The following TBCD variants were observed in gnomAD, a reference collection of about 807,000 sequenced individuals.
TBCD encodes tubulin folding cofactor D, also known as tubulin-specific chaperone D.
Under a neutral mutation model 169.3 loss-of-function variants are expected in TBCD, and 105 were observed. The ratio of observed to expected loss-of-function variants is 0.62; its 90% CI spans 0.53 to 0.73. TBCD has a LOEUF of 0.73. Ranked by LOEUF, TBCD falls within the 30% of genes least tolerant of loss-of-function variation. The pLI is 0.00. For synonymous variants in TBCD, 700 were observed against 643.9 expected, an observed-to-expected ratio of 1.09 and a Z score of -1.32; for missense variants, 1,444 against 1,600.1, an observed-to-expected ratio of 0.90 and a Z score of 1.66.
chr17:82,896,090 C>T (rs1956422838), intron 17 of TBCD: 1 of 152,312 alleles, frequency 6.6e-6, no homozygotes, highest in Non-Finnish European at 1.5e-5. Flanking sequence ...GGGGTCCCTC[C>T]CCTCCCACAC....
intron 12 of TBCD, among the ~76,000 whole-genome samples, chr17:82,810,066 G>C (rs2051313046): frequency 1.3e-5 from 2 of 152,194 alleles, no homozygotes; most frequent in African/African-American, 4.8e-5. Flanking sequence ...TGAGTGAGTT[G>C]GGGCTGCTCC....
intron 23 of TBCD, among the ~76,000 whole-genome samples, chr17:82,919,290 C>G (rs1020263454): frequency 2.0e-5 from 3 of 152,068 alleles, no homozygotes; most frequent in East Asian, 1.9e-4. Context: ...TGTTTCCCCC[C>G]TCTTGGCATG....
rs187135973 is a variant in TBCD, at chr17:82,831,881, C to T, written c.1318+16947C>T. The T allele has an allele frequency of 1.4e-5, 23 of 1,614,184 alleles. No individual in the cohort carries two copies. Among genetic ancestry groups the T allele is most frequent in the African/African-American group, 8.0e-5 (6 of 75,042 alleles). ...AAGGCCGACTTGGTGTGGAAAGACA[C>T]GGCCTTGGCAGTGGGGTTGTGTAAA... On this transcript the variant is annotated intron_variant, in intron 13 of 38. Coordinates refer to ENST00000355528, the MANE Select transcript of TBCD (RefSeq NM_005993.5). This position sits in a 1 kb window ranked among gnomAD's most constrained non-coding sequence, Gnocchi z 4.6.
chr17:82,870,896 G>A (rs2057510692), intron 14 of TBCD, among the ~76,000 whole-genome samples: 1 of 152,256 alleles, frequency 6.6e-6, no homozygotes, highest in Non-Finnish European at 1.5e-5. Context: ...TGTTTTTGTT[G>A]AGGAGCTGGA....
intron 4 of TBCD, among the ~76,000 whole-genome samples, chr17:82,767,805 A>ATT (rs2048092044): frequency 6.6e-6 from 1 of 152,106 alleles, no homozygotes; most frequent in South Asian, 2.1e-4. Context: ...AAATACAAAA[A>ATT]TTAGCCTAGC....
intron 13 of TBCD, among the ~76,000 whole-genome samples, chr17:82,826,656 TC>T (rs2052875397): frequency 6.6e-6 from 1 of 152,206 alleles, no homozygotes; most frequent in Non-Finnish European, 1.5e-5. Flanking sequence ...GCTCAAGCAG[TC>T]CTCTCACCTC....
chr17:82,789,279 TG>T lies in TBCD; in HGVS notation c.771+7559del, dbSNP rs1472204235. Among the ~76,000 whole-genome samples the T allele has an allele frequency of 1.3e-5, 2 of 152,198 alleles. No individual in the cohort carries two copies. The highest frequency in any genetic ancestry group is 2.9e-5 in the Non-Finnish European group (2 of 68,042). On this transcript the variant is annotated intron_variant, in intron 7 of 38. Coordinates refer to ENST00000355528, the MANE Select transcript of TBCD (RefSeq NM_005993.5). The surrounding 1 kb of genome is among the most constrained non-coding windows in gnomAD (Gnocchi z 4.8). The stretch of plus-strand genomic sequence containing the variant: ...AGCATTTTATGTGGGGCGGGCACAG[TG>T]CCGTGAGTCTTACAGAAACCTGCAT...
intron 7 of TBCD, among the ~76,000 whole-genome samples, chr17:82,793,901 C>CG (rs2049922445): frequency 6.6e-6 from 1 of 152,138 alleles, no homozygotes; most frequent in African/African-American, 2.4e-5. Context: ...GAGCAGGACT[C>CG]GGGATGGCAG....
rs748944330 is a variant in TBCD at position 82,831,115 on chromosome 17, G to A, written c.1318+16181G>A. 1.9e-6 allele frequency: 3 copies of A among 1,614,028 alleles called. No individual in the cohort carries two copies. The highest frequency in any genetic ancestry group is 2.2e-5 in the South Asian group (2 of 91,088). On this transcript the variant is annotated intron_variant, in intron 13 of 38. Coordinates refer to ENST00000355528, the MANE Select transcript of TBCD (RefSeq NM_005993.5). The surrounding 1 kb of genome is among the most constrained non-coding windows in gnomAD (Gnocchi z 4.6). ...GAAGGCTGTGAGGCTTTGCTCTGGC[G>A]GGTAGAGTCTTCCCAGTGCGCTGGA...
Position 82,831,119 on chromosome 17 carries a change from A to T in TBCD, c.1318+16185A>T. On this transcript the variant is annotated intron_variant, in intron 13 of 38. Coordinates refer to ENST00000355528, the MANE Select transcript of TBCD (RefSeq NM_005993.5). The surrounding 1 kb of genome is among the most constrained non-coding windows in gnomAD (Gnocchi z 4.6). The stretch of plus-strand genomic sequence containing the variant: ...GCTGTGAGGCTTTGCTCTGGCGGGT[A>T]GAGTCTTCCCAGTGCGCTGGAGGCT... 6.2e-7 allele frequency: 1 copy of T among 1,614,134 alleles called. No individual in the cohort carries two copies. The highest frequency in any genetic ancestry group is 8.5e-7 in the Non-Finnish European group (1 of 1,180,008).
At chr17:82,939,859 T>A (rs2062964645) in intron 37 of TBCD, among the ~76,000 whole-genome samples, 2 of 152,106 alleles carry the variant, frequency 1.3e-5, no homozygotes, top group African/African-American at 4.8e-5. Flanking sequence ...CTGTTGGAAA[T>A]CAAGAGGCAC....
intron 13 of TBCD, chr17:82,830,548 C>A (rs573122999): frequency 6.2e-7 from 1 of 1,614,140 alleles, no homozygotes; most frequent in South Asian, 1.1e-5. Context: ...ATCCTCAGAA[C>A]CTTCTGTCCC....
At position 82,929,266 on chromosome 17, in the gene TBCD, T is replaced by G. The variant is rs764417557; in HGVS notation, c.2847T>G (p.Phe949Leu). 3 of 1,613,718 alleles carry G rather than the reference T, an allele frequency of 1.9e-6. No homozygotes were observed. The South Asian group carries it at 3.3e-5, about 18-fold the overall frequency. The change falls in exon 31 of 39, where the codon TTT becomes TTG. Residue 949 changes from phenylalanine (F) to leucine (L), a missense_variant. Transcript: ENST00000355528. ...VPHRGELEKL[F>L]PRSDVASVNW... ...ACCGAGGAGAACTGGAAAAGCTGTT[T>G]CCCAGGTACTGTCGGGGTGTAGGCC...
At chr17:82,911,832 C>T (rs755005608) in intron 23 of TBCD, 43 bp downstream of exon 23, 4 of 1,610,258 alleles carry the variant, frequency 2.5e-6, no homozygotes, top group South Asian at 1.1e-5. Flanking sequence ...CCCTTTGCCG[C>T]AGCCATCGTT....
chr17:82,849,928 T>TGGCTGTGC (rs2055516886), intron 13 of TBCD, among the ~76,000 whole-genome samples: 1 of 118,732 alleles, frequency 8.4e-6, no homozygotes, highest in African/African-American at 3.4e-5. Flanking sequence ...GTTGGCTGTT[T>TGGCTGTGC]TGCTGTTGGC....
intron 19 of TBCD, among the ~76,000 whole-genome samples, chr17:82,904,389 G>A (rs1305670798): frequency 6.6e-6 from 1 of 151,876 alleles, no homozygotes; most frequent in East Asian, 1.9e-4. Context: ...TGGTCTCTAG[G>A]TGGCTTGCAC....
Position 82,899,196 on chromosome 17 carries a change from G to A in TBCD, c.1650-1455G>A, listed in dbSNP as rs188840541. ...CGCGTCCTCGGCTCGTGTCCTCAGCGCGTGTCCGCAGTGCGTCCTCAGCAT... is the reference window on the plus strand; with the variant it reads ...CGCGTCCTCGGCTCGTGTCCTCAGCACGTGTCCGCAGTGCGTCCTCAGCAT... On this transcript the variant is annotated intron_variant, in intron 17 of 38. Transcript: ENST00000355528. Among the ~76,000 whole-genome samples, 23 of 130,288 alleles carry A rather than the reference G, an allele frequency of 1.8e-4. No homozygotes were observed. In the South Asian group the frequency reaches 4.4e-3, roughly 25 times the overall value. The allele number at this position is 130,288 out of a possible 152,430, so 85.5% of individuals were successfully genotyped here.
In TBCD at chr17:82,789,998, G is replaced by A. The variant is rs1395505905; in HGVS notation, c.772-7759G>A. Among the ~76,000 whole-genome samples the A allele has an allele frequency of 6.6e-6, 1 of 151,058 alleles. No homozygotes were observed. The highest frequency in any genetic ancestry group is 1.9e-4 in the East Asian group (1 of 5,194). ...CTGTCCGCTCACACCTGCCTGTGTGGACGTGGCTCTGACATGTCTCCTTCC... is the reference window on the plus strand; with the variant it reads ...CTGTCCGCTCACACCTGCCTGTGTGAACGTGGCTCTGACATGTCTCCTTCC... On this transcript the variant is annotated intron_variant, in intron 7 of 38. Coordinates refer to ENST00000355528, the MANE Select transcript of TBCD (RefSeq NM_005993.5). This position sits in a 1 kb window ranked among gnomAD's most constrained non-coding sequence, Gnocchi z 4.8.
intron 13 of TBCD, among the ~76,000 whole-genome samples, chr17:82,866,777 C>T (rs970682628): frequency 2.6e-5 from 4 of 152,216 alleles, no homozygotes; most frequent in Non-Finnish European, 5.9e-5. Context: ...GGGAGGACAG[C>T]TGGAAGCCCA....
Sources: gnomAD v4.1 joint callset for allele counts (sites outside exome capture counted in the v4.1 genomes callset) on GRCh38, gnomAD v4.1.1 for gene constraint, Gnocchi (gnomAD v3.1) non-coding constraint, MANE v1.5 for transcripts, NCBI Gene and HGNC (gene_info 2026-07-23, HGNC 2026-07-21) for gene names.